NEDD4: variants seen among roughly 807,000 people sequenced by gnomAD.
NEDD4 encodes the protein E3 ubiquitin-protein ligase NEDD4.
Under a neutral mutation model 144.9 loss-of-function variants are expected in NEDD4, and 99 were observed. The observed-to-expected ratio is 0.68, with a 90% CI of 0.58 to 0.81. The LOEUF (loss-of-function observed/expected upper bound fraction) is 0.81, where lower values mean the gene tolerates loss of function less well. Ranked by LOEUF, NEDD4 falls within the 30% of genes least tolerant of loss-of-function variation. The pLI is 0.00. For missense variants in NEDD4, 985 were observed against 1,065.9 expected (o/e 0.92, Z 1.06); for synonymous variants, 318 against 350.6 (o/e 0.91, Z 1.04).
At chr15:55,912,408 A>G (rs908606994) in intron 5 of NEDD4, among the ~76,000 whole-genome samples, 2 of 152,154 alleles carry the variant, frequency 1.3e-5, no homozygotes, top group Non-Finnish European at 2.9e-5. Context: ...CAATTTACCT[A>G]TTTAGGATTA....
intron 5 of NEDD4, among the ~76,000 whole-genome samples, chr15:55,880,048 C>T (rs1394334260): frequency 6.6e-6 from 1 of 152,114 alleles, no homozygotes; most frequent in Non-Finnish European, 1.5e-5. Flanking sequence ...AATCCCAGCA[C>T]TTTGGGAGGC....
intron 2 of NEDD4, among the ~76,000 whole-genome samples, chr15:55,952,926 C>A (rs2037269049): frequency 6.6e-6 from 1 of 152,132 alleles, no homozygotes; most frequent in Admixed American, 6.5e-5. Flanking sequence ...AAAACAAGAA[C>A]ACTTATATAG....
chr15:55,841,716 C>T (rs189422145), intron 19 of NEDD4, among the ~76,000 whole-genome samples: 136 of 152,128 alleles, frequency 8.9e-4, no homozygotes, highest in Non-Finnish European at 1.2e-3. Flanking sequence ...GGACTACAGG[C>T]GCCCGCCACC....
intron 4 of NEDD4, among the ~76,000 whole-genome samples, chr15:55,943,113 G>C (rs962587738): frequency 5.9e-5 from 9 of 152,188 alleles, no homozygotes; most frequent in Admixed American, 5.9e-4. Context: ...TCAAGAAGTG[G>C]CCTGGCTGCT....
chr15:55,865,271 C>T (rs1341512835), intron 8 of NEDD4, among the ~76,000 whole-genome samples: 6 of 148,252 alleles, frequency 4.0e-5, no homozygotes, highest in African/African-American at 1.5e-4. Flanking sequence ...TGGCAAAATA[C>T]GCAGATTACT....
chr15:55,838,664 A>C (rs1214999142), intron 21 of NEDD4, 60 bp from the exon 22 acceptor site: 4 of 1,127,158 alleles, frequency 3.5e-6, no homozygotes, highest in Middle Eastern at 2.2e-4. Context: ...AAATTGCAAA[A>C]AACAGTATGT....
intron 9 of NEDD4, among the ~76,000 whole-genome samples, chr15:55,861,885 A>T (rs751870709): frequency 1.5e-4 from 23 of 152,210 alleles, no homozygotes; most frequent in Non-Finnish European, 3.2e-4. Flanking sequence ...TAAAGAAAAC[A>T]TAATTTTGAT....
intron 2 of NEDD4, among the ~76,000 whole-genome samples, chr15:55,965,484 A>G (rs1202823086): frequency 1.3e-5 from 2 of 152,046 alleles, no homozygotes; most frequent in African/African-American, 4.8e-5. Context: ...TTAGGCAGTG[A>G]CTGTGATCTC....
chr15:55,907,988 G>T (rs568044439), intron 5 of NEDD4, among the ~76,000 whole-genome samples: 1 of 152,154 alleles, frequency 6.6e-6, no homozygotes, highest in Non-Finnish European at 1.5e-5. Context: ...TTCACCCCAG[G>T]GACAAGGTAT....
chr15:55,950,653 C>G (rs140659714), intron 4 of NEDD4, among the ~76,000 whole-genome samples: 6 of 152,236 alleles, frequency 3.9e-5, no homozygotes, highest in African/African-American at 1.4e-4. Context: ...AGTGGGTTAA[C>G]GAGCGTCCCG....
At chr15:55,837,313 C>A (rs1296399562) in intron 24 of NEDD4, among the ~76,000 whole-genome samples, 2 of 151,712 alleles carry the variant, frequency 1.3e-5, no homozygotes, top group Admixed American at 1.3e-4. Flanking sequence ...ACCTGTAATC[C>A]CAGCTACTCA....
At position 55,860,674 on chromosome 15, in the gene NEDD4, C is replaced by T. The variant is rs2303580; in HGVS notation, c.779G>A (p.Arg260Gln). The change falls in exon 10 of 29, where the codon CGA (arginine) becomes CAA (glutamine). Residue 260 changes from arginine (R) to glutamine (Q), a missense_variant. Physicochemically the swap from Arg to Gln is conservative, Grantham distance 43. Coordinates refer to ENST00000435532, the MANE Select transcript of NEDD4 (RefSeq NM_006154.4). ...AACTACTTATACCTCGGAAGACTCTCGGTTGTCAACACTTTCTGTTTCCTC... is the reference window on the plus strand; with the variant it reads ...AACTACTTATACCTCGGAAGACTCTTGGTTGTCAACACTTTCTGTTTCCTC... ...ISEETESVDN[R>Q]ESSENWEIIR... The T allele has an allele frequency of 0.77, 1,245,191 of 1,613,792 alleles. 483,288 individuals carry two copies. Among genetic ancestry groups the T allele is most frequent in the Non-Finnish European group, 0.8 (942,108 of 1,179,820 alleles).
In NEDD4 at chr15:55,961,465, G is replaced by GTATTAT. The variant is rs58665877; in HGVS notation, c.119+5002_119+5007dup. On this transcript the variant is annotated intron_variant, in intron 2 of 28. Transcript: ENST00000435532. The stretch of plus-strand genomic sequence containing the variant: ...GTTCTTTTAAGCAACTAAGTTTGTG[G>GTATTAT]TATTATTATTATTATTATTATTTGA... Among the ~76,000 whole-genome samples the GTATTAT allele has an allele frequency of 9.9e-5, 15 of 150,858 alleles. 1 individual carries two copies. Among genetic ancestry groups the GTATTAT allele is most frequent in the East Asian group, 3.9e-4 (2 of 5,092 alleles).
intron 8 of NEDD4, among the ~76,000 whole-genome samples, chr15:55,869,295 G>A (rs1387016099): frequency 1.3e-5 from 2 of 152,232 alleles, no homozygotes; most frequent in East Asian, 3.9e-4. Context: ...ACTAAATTGT[G>A]TTCTTACTTT....
intron 8 of NEDD4, among the ~76,000 whole-genome samples, chr15:55,867,327 A>G (rs1311982820): frequency 5.3e-5 from 8 of 152,200 alleles, no homozygotes; most frequent in Admixed American, 3.9e-4. Flanking sequence ...CTACAAGCTT[A>G]CATCTCCTGA....
intron 11 of NEDD4, among the ~76,000 whole-genome samples, chr15:55,857,530 C>G (rs1314496502): frequency 6.6e-6 from 1 of 152,074 alleles, no homozygotes; most frequent in African/African-American, 2.4e-5. Context: ...GCCATGTTGG[C>G]CAGGCTGGTC....
At chr15:55,916,057 G>C in intron 5 of NEDD4, 3 of 1,613,910 alleles carry the variant, frequency 1.9e-6, no homozygotes, top group Non-Finnish European at 2.5e-6. Flanking sequence ...CGTTTTAGTG[G>C]AATTTTTGTG....
intron 8 of NEDD4, among the ~76,000 whole-genome samples, chr15:55,866,841 A>AT (rs2034603117): frequency 6.6e-6 from 1 of 152,192 alleles, no homozygotes; most frequent in Admixed American, 6.5e-5. Context: ...TATACAGTCA[A>AT]TTTTTTGGAT....
chr15:55,873,992 A>T lies in NEDD4; in HGVS notation c.308T>A (p.Leu103Gln), dbSNP rs886820949. 3.2e-6 allele frequency: 5 copies of T among 1,540,124 alleles called. No individual in the cohort carries two copies. Among genetic ancestry groups the T allele is most frequent in the Non-Finnish European group, 4.4e-6 (5 of 1,136,328 alleles). Residue 103 changes from leucine to glutamine, a missense_variant, in exon 6 of 29, where the codon CTA becomes CAA. Leu to Gln is a moderately radical substitution (Grantham distance 113, BLOSUM62 -2). Coordinates refer to ENST00000435532, the MANE Select transcript of NEDD4 (RefSeq NM_006154.4). ...DENRLTRDDF[L>Q]GQVDVPLYPL... ...ATAAAGTGGAACATCCACTTGACCTAGGAAATCATCTCTTGTCTATAAGAG... is the reference window on the plus strand; with the variant it reads ...ATAAAGTGGAACATCCACTTGACCTTGGAAATCATCTCTTGTCTATAAGAG...
Sources: allele counts gnomAD v4.1 joint callset (sites outside exome capture counted in the v4.1 genomes callset), GRCh38; gene constraint gnomAD v4.1.1; transcripts MANE v1.5; gene names NCBI Gene and HGNC (gene_info 2026-07-23, HGNC 2026-07-21).